The following PRR5 variants were observed in gnomAD, a reference collection of about 807,000 sequenced individuals.
PRR5 encodes proline-rich protein 5.
PRR5 carries 25 observed loss-of-function variants against 30.6 expected under a neutral mutation model. The observed-to-expected ratio is 0.82, with a 90% CI of 0.60 to 1.14. The LOEUF is 1.14. Ranked by LOEUF, PRR5 falls within the 50% of genes most tolerant of loss-of-function variation. PRR5 has a pLI of 0.00. For missense variants in PRR5, 600 were observed against 547.1 expected, an observed-to-expected ratio of 1.10 and a Z score of -0.96; for synonymous variants, 286 against 247.1, an observed-to-expected ratio of 1.16 and a Z score of -1.48.
chr22:44,674,342 A>G (rs1209906504), upstream of PRR5, among the ~76,000 whole-genome samples: 1 of 151,784 alleles, frequency 6.6e-6, no homozygotes, highest in Non-Finnish European at 1.5e-5. Flanking sequence ...GTGTGTGGAA[A>G]TGAGGTTTTG....
chr22:44,699,827 C>T (rs907206911), upstream of PRR5, among the ~76,000 whole-genome samples: 1 of 152,230 alleles, frequency 6.6e-6, no homozygotes, highest in Non-Finnish European at 1.5e-5. Flanking sequence ...GTCTCAAAGG[C>T]CCCTCCGAGG....
chr22:44,702,586 T>A lies in PRR5; in HGVS notation c.112T>A (p.Cys38Ser). 7.2e-7 allele frequency: 1 copy of A among 1,382,858 alleles called. No individual in the cohort carries two copies. Among genetic ancestry groups the A allele is most frequent in the Admixed American group, 3.6e-5 (1 of 27,452 alleles). 85.7% of individuals were successfully genotyped at this position (1,382,858 alleles called of 1,614,324 possible). A position where few individuals can be genotyped will look rare whatever the true frequency, so the allele number is the denominator to read the frequency against. ...GCGGGGCACGCAGCAGCGCCGGGCC[T>A]GCGCCAACGCCACCTGGAACAGGTA... is the stretch of plus-strand genomic sequence containing the variant. ...DERGTQQRRA[C>S]ANATWNSIHN... The change falls in exon 1 of 8, where the codon TGC (cysteine) becomes AGC (serine). Residue 38 changes from cysteine to serine, a missense_variant. Cys to Ser is a moderately radical substitution (Grantham distance 112, BLOSUM62 -1). Transcript: ENST00000336985.
chr22:44,709,162 C>CGGCTCCCCACCACCCCTGCTTGT (rs942430915), intron 1 of PRR5, among the ~76,000 whole-genome samples: 1 of 151,886 alleles, frequency 6.6e-6, no homozygotes, highest in African/African-American at 2.4e-5. Flanking sequence ...GGCCTGTGTT[C>CGGCTCCCCACCACCCCTGCTTGT]GGCTCCCCAC....
chr22:44,730,519 A>G, intron 4 of PRR5: 1 of 989,414 alleles, frequency 1.0e-6, no homozygotes, highest in Non-Finnish European at 1.2e-6. Context: ...CACAAGGGTC[A>G]CTCACCTGGT....
At chr22:44,726,904 C>T (rs186686800) in intron 4 of PRR5, among the ~76,000 whole-genome samples, 6 of 152,294 alleles carry the variant, frequency 3.9e-5, no homozygotes, top group East Asian at 3.9e-4. Context: ...TCCCTGCCCA[C>T]GGGACTTTCT....
intron 3 of PRR5, 133 bp downstream of exon 3, chr22:44,725,425 C>T (rs764478575): frequency 6.7e-6 from 8 of 1,202,094 alleles, no homozygotes; most frequent in Admixed American, 4.4e-5. Context: ...GGACCTGCCT[C>T]GTTCCTTATC....
At position 44,702,293 on chromosome 22, in the gene PRR5, C is replaced by A; in HGVS notation, c.-182C>A. ...GCAATGATTAACCCGGCGGGGCGGCCGGCGCGGGACCCGAGACGGAGGCGC... is the reference window on the plus strand; with the variant it reads ...GCAATGATTAACCCGGCGGGGCGGCAGGCGCGGGACCCGAGACGGAGGCGC... On this transcript the variant is annotated 5_prime_UTR_variant, in exon 1 of 8. Transcript: ENST00000336985. 1.7e-6 allele frequency: 2 copies of A among 1,147,052 alleles called. No homozygotes were observed. The highest frequency in any genetic ancestry group is 4.7e-5 in the Admixed American group (1 of 21,324). The allele number at this position is 1,147,052 out of a possible 1,614,324, so 71.1% of individuals were successfully genotyped here. A position where few individuals can be genotyped will look rare whatever the true frequency, so the allele number is the denominator to read the frequency against.
intron 6 of PRR5, chr22:44,734,531 T>G: frequency 1.3e-5 from 2 of 153,484 alleles, no homozygotes; most frequent in African/African-American, 2.4e-5. Context: ...GAGCTCCGGA[T>G]GAGGGGAGAT....
rs868270162 is a variant in PRR5, at chr22:44,708,991, A to T, written c.135-5600A>T. ...CAAAAAAAAAAAAAAAAAAAAAAAA[A>T]AAGAAGGTACAAGGACTGCCCAGGT... On this transcript the variant is annotated intron_variant, in intron 1 of 7. Coordinates refer to ENST00000336985, the MANE Select transcript of PRR5 (RefSeq NM_181333.4). Among the ~76,000 whole-genome samples, 8 of 147,262 alleles carry T rather than the reference A, an allele frequency of 5.4e-5. No individual in the cohort carries two copies. The East Asian group carries it at 1.6e-3, about 29-fold the overall frequency.
chr22:44,711,291 A>G (rs1398776293), intron 1 of PRR5, among the ~76,000 whole-genome samples: 1 of 152,180 alleles, frequency 6.6e-6, no homozygotes, highest in Non-Finnish European at 1.5e-5. Context: ...TTTCCCACAC[A>G]GCTGCGAGGG....
At chr22:44,720,444 T>C (rs1432672273) in intron 2 of PRR5, among the ~76,000 whole-genome samples, 3 of 152,222 alleles carry the variant, frequency 2.0e-5, no homozygotes, top group African/African-American at 7.2e-5. Flanking sequence ...GTGAACATGG[T>C]TCCCATCTTG....
At chr22:44,679,423 A>G (rs9626513) in intron 1 of PRR5, 33,659 of 162,098 alleles carry the variant, frequency 0.21, 4,558 homozygotes, top group East Asian at 0.37. Context: ...ACACAGCCTC[A>G]GCCAGGCGCA....
At chr22:44,713,353 T>G (rs1457437182) in intron 1 of PRR5, among the ~76,000 whole-genome samples, 1 of 152,238 alleles carries the variant, frequency 6.6e-6, no homozygotes, top group Non-Finnish European at 1.5e-5. Flanking sequence ...CACCTCAGCC[T>G]CCCACAGTGC....
At position 44,731,710 on chromosome 22, in the gene PRR5, G is replaced by A. The variant is rs1255440505; in HGVS notation, c.323-20G>A. ...GCCCGCGCCAGTCAGGCCCAGTGGTGATGGCCCCCATGCCCACAGGACAGA... is the reference window on the plus strand; with the variant it reads ...GCCCGCGCCAGTCAGGCCCAGTGGTAATGGCCCCCATGCCCACAGGACAGA... On this transcript the variant is annotated intron_variant, in intron 4 of 7. Coordinates refer to ENST00000336985, the MANE Select transcript of PRR5 (RefSeq NM_181333.4). 5 of 1,612,614 alleles carry A rather than the reference G, an allele frequency of 3.1e-6. No homozygotes were observed. The highest frequency in any genetic ancestry group is 4.2e-6 in the Non-Finnish European group (5 of 1,179,110).
Position 44,736,907 on chromosome 22 carries a change from C to G in PRR5, c.827C>G (p.Thr276Ser), listed in dbSNP as rs779182167. Reference protein sequence around the residue: ...HEAEGAAAGGTSIRRHSVSEM... With the variant: ...HEAEGAAAGGSSIRRHSVSEM... ...GCGGAGGGCGCGGCGGCCGGCGGTA[C>G]CAGCATCCGCAGGCACTCTGTGTCG... The change falls in exon 8 of 8, where the codon ACC becomes AGC. Residue 276 changes from threonine to serine, a missense_variant. Thr to Ser is a moderately conservative substitution (Grantham distance 58, BLOSUM62 1). Coordinates refer to ENST00000336985, the MANE Select transcript of PRR5 (RefSeq NM_181333.4). 1.9e-6 allele frequency: 3 copies of G among 1,608,396 alleles called. No homozygotes were observed. Among genetic ancestry groups the G allele is most frequent in the African/African-American group, 2.7e-5 (2 of 74,900 alleles).
At chr22:44,680,318 G>C (rs1430791253) in intron 1 of PRR5, among the ~76,000 whole-genome samples, 1 of 152,152 alleles carries the variant, frequency 6.6e-6, no homozygotes, top group African/African-American at 2.4e-5. Flanking sequence ...CTGTGAGGAT[G>C]TATAGAAAAT....
chr22:44,720,395 A>T (rs908145732), intron 2 of PRR5, among the ~76,000 whole-genome samples: 2 of 152,190 alleles, frequency 1.3e-5, no homozygotes, highest in East Asian at 3.9e-4. Flanking sequence ...TTTGACTTCA[A>T]CAGTGCGCTT....
chr22:44,732,760 G>A (rs11912031), intron 6 of PRR5, among the ~76,000 whole-genome samples: 1,854 of 146,090 alleles, frequency 0.013, 56 homozygotes, highest in African/African-American at 0.045. Context: ...GCACGCACAC[G>A]CTACACACAT....
chr22:44,727,250 T>C (rs1050166918), intron 4 of PRR5, among the ~76,000 whole-genome samples: 1 of 152,012 alleles, frequency 6.6e-6, no homozygotes, highest in African/African-American at 2.4e-5. Flanking sequence ...CTGGCCTCAC[T>C]GTGCAGGTTG....
Sources: gnomAD v4.1 joint callset for allele counts (sites outside exome capture counted in the v4.1 genomes callset) on GRCh38, gnomAD v4.1.1 for gene constraint, MANE v1.5 for transcripts, NCBI Gene and HGNC (gene_info 2026-07-23, HGNC 2026-07-21) for gene names.